The following MGAT4A variants were observed in gnomAD, a reference collection of about 807,000 sequenced individuals.
MGAT4A encodes alpha-1,3-mannosyl-glycoprotein 4-beta-N-acetylglucosaminyltransferase A.
MGAT4A carries 33 observed loss-of-function variants against 74.1 expected under a neutral mutation model. The ratio of observed to expected loss-of-function variants is 0.45; its 90% CI spans 0.34 to 0.60. The LOEUF is 0.60. MGAT4A is among the 20% of genes least tolerant of loss of function. The pLI, the probability that MGAT4A is intolerant of heterozygous loss-of-function variation, is 0.02. For synonymous variants in MGAT4A, 198 were observed against 210.4 expected (o/e 0.94, Z 0.51); for missense variants, 479 against 628.3 (o/e 0.76, Z 2.54).
intron 2 of MGAT4A, among the ~76,000 whole-genome samples, chr2:98,708,562 C>A (rs1432929153): frequency 6.6e-6 from 1 of 152,190 alleles, no homozygotes; most frequent in African/African-American, 2.4e-5. Context: ...AAACAAAGAT[C>A]CACTGCCTCA....
At chr2:98,702,637 C>T (rs764788734) in intron 2 of MGAT4A, among the ~76,000 whole-genome samples, 18 of 152,200 alleles carry the variant, frequency 1.2e-4, no homozygotes, top group African/African-American at 2.7e-4. Flanking sequence ...CTTGCAGTAC[C>T]GTGTGCTCCA....
chr2:98,685,327 A>T (rs965995390), intron 2 of MGAT4A, among the ~76,000 whole-genome samples: 1 of 152,020 alleles, frequency 6.6e-6, no homozygotes, highest in Non-Finnish European at 1.5e-5. Flanking sequence ...AATTTTTTTT[A>T]AATATGAATG....
rs751360240 is a variant in MGAT4A, at chr2:98,623,354, A to G, written c.*2212T>C. Reference sequence around the variant, plus strand: ...GCTGCAATAACTTTCTCCTCCCTAGATTTTCAGAGCATGGTCTTTCTTCAT... The same window carrying G: ...GCTGCAATAACTTTCTCCTCCCTAGGTTTTCAGAGCATGGTCTTTCTTCAT... On this transcript the variant is annotated 3_prime_UTR_variant, in exon 16 of 16. Coordinates refer to ENST00000393487, the MANE Select transcript of MGAT4A (RefSeq NM_012214.3). The G allele has an allele frequency of 2.0e-6, 2 of 985,406 alleles. No homozygotes were observed. Among genetic ancestry groups the G allele is most frequent in the Non-Finnish European group, 2.4e-6 (2 of 829,940 alleles). 61.0% of individuals were successfully genotyped at this position (985,406 alleles called of 1,614,324 possible). A position where few individuals can be genotyped will look rare whatever the true frequency, so the allele number is the denominator to read the frequency against.
Position 98,621,178 on chromosome 2 carries a change from G to A in MGAT4A, c.*4388C>T. On this transcript the variant is annotated 3_prime_UTR_variant, in exon 16 of 16. Coordinates refer to ENST00000393487, the MANE Select transcript of MGAT4A (RefSeq NM_012214.3). ...TGATTTATTATCTCATAGTTCTGTA[G>A]GTCAGAAGTCCAAGCAGGCTTAAGT... The A allele has an allele frequency of 2.4e-6, 1 of 415,394 alleles. No individual in the cohort carries two copies. The highest frequency in any genetic ancestry group is 4.2e-5 in the Admixed American group (1 of 23,768). The allele number at this position is 415,394 out of a possible 1,614,324, so 25.7% of individuals were successfully genotyped here. A position where few individuals can be genotyped will look rare whatever the true frequency, so the allele number is the denominator to read the frequency against.
rs1156272595 is a variant in MGAT4A at position 98,621,714 on chromosome 2, T to A, written c.*3852A>T. ...CACTGTTATTCACTAGAATAATCTC[T>A]CCAAACGTGCTGTTTCCACATAACC... On this transcript the variant is annotated 3_prime_UTR_variant, in exon 16 of 16. Transcript: ENST00000393487. The A allele has an allele frequency of 7.7e-7, 1 of 1,295,590 alleles. No individual in the cohort carries two copies. Among genetic ancestry groups the A allele is most frequent in the Non-Finnish European group, 9.8e-7 (1 of 1,021,028 alleles). The allele number at this position is 1,295,590 out of a possible 1,614,324, so 80.3% of individuals were successfully genotyped here. A position where few individuals can be genotyped will look rare whatever the true frequency, so the allele number is the denominator to read the frequency against.
At chr2:98,637,588 G>A (rs1338579585) in intron 12 of MGAT4A, among the ~76,000 whole-genome samples, 1 of 152,076 alleles carries the variant, frequency 6.6e-6, no homozygotes, top group Non-Finnish European at 1.5e-5. Flanking sequence ...TCAGGGTGTG[G>A]GGAAGGGAGG....
rs747689146 is a variant in MGAT4A, at chr2:98,678,323, A to G, written c.243T>C (p.Asp81=). 7.0e-7 allele frequency: 1 copy of G among 1,418,936 alleles called. No homozygotes were observed. Among genetic ancestry groups the G allele is most frequent in the African/African-American group, 1.4e-5 (1 of 70,142 alleles). 87.9% of individuals were successfully genotyped at this position (1,418,936 alleles called of 1,614,324 possible). A position where few individuals can be genotyped will look rare whatever the true frequency, so the allele number is the denominator to read the frequency against. The part of the protein sequence containing the change: ...RVGAETNGSK[D]ALNKFSDNTL... ...TTGTACCTGAAAACTTATTCAACGC[A>G]TCCTTACTTCCATTTGTTTCTGCTC... The change falls in exon 3 of 16, where the codon GAT becomes GAC. Residue 81 remains aspartate, a synonymous_variant. Transcript: ENST00000393487.
rs1248607792 is a variant in MGAT4A, at chr2:98,698,115, T to G, written c.95-19644A>C. ...GATTCAAGTGCAGAAGAACCAGAAG[T>G]AGTGATAAGCTGGCTGGGTGTGGTG... is the stretch of plus-strand genomic sequence containing the variant. On this transcript the variant is annotated intron_variant, in intron 2 of 15. Coordinates refer to ENST00000393487, the MANE Select transcript of MGAT4A (RefSeq NM_012214.3). Among the ~76,000 whole-genome samples, 4 of 152,030 alleles carry G rather than the reference T, an allele frequency of 2.6e-5. 1 individual carries two copies. In the South Asian group the frequency reaches 6.2e-4, roughly 24 times the overall value.
At chr2:98,641,854 G>A (rs1379354479) in intron 10 of MGAT4A, among the ~76,000 whole-genome samples, 5 of 151,356 alleles carry the variant, frequency 3.3e-5, no homozygotes, top group Non-Finnish European at 7.4e-5. Context: ...TTTGCCAGGC[G>A]TGGTGGCCCG....
chr2:98,647,725 T>A (rs1470710567), intron 8 of MGAT4A, among the ~76,000 whole-genome samples: 3 of 152,120 alleles, frequency 2.0e-5, no homozygotes, highest in Non-Finnish European at 4.4e-5. Context: ...CAACTCAGAG[T>A]TTTTTGCAAT....
At chr2:98,699,132 T>TTCC (rs1201203669) in intron 2 of MGAT4A, among the ~76,000 whole-genome samples, 3 of 152,184 alleles carry the variant, frequency 2.0e-5, no homozygotes, top group African/African-American at 7.2e-5. Flanking sequence ...CAGGACACAC[T>TTCC]TCCTTCCCAC....
intron 2 of MGAT4A, among the ~76,000 whole-genome samples, chr2:98,698,115 T>C (rs1248607792): frequency 6.6e-6 from 1 of 152,030 alleles, no homozygotes; most frequent in East Asian, 1.9e-4. Flanking sequence ...GAACCAGAAG[T>C]AGTGATAAGC....
chr2:98,725,148 T>G (rs909684442), intron 2 of MGAT4A, among the ~76,000 whole-genome samples: 3 of 152,204 alleles, frequency 2.0e-5, no homozygotes, highest in African/African-American at 4.8e-5. Context: ...AATTCTAAAA[T>G]GTACATATTT....
Position 98,631,385 on chromosome 2 carries a change from C to T in MGAT4A, c.1468+3837G>A, listed in dbSNP as rs1376506330. On this transcript the variant is annotated intron_variant, in intron 14 of 15. Coordinates refer to ENST00000393487, the MANE Select transcript of MGAT4A (RefSeq NM_012214.3). ...TGAGCCCTGGCTAGAGCTCCAACCT[C>T]GGGCCTGTGCCCACCGACCTAGGTG... Among the ~76,000 whole-genome samples the T allele has an allele frequency of 5.3e-5, 8 of 152,208 alleles. No homozygotes were observed. In the East Asian group the frequency reaches 1.5e-3, roughly 29 times the overall value.
chr2:98,652,242 C>G (rs1415052299), intron 8 of MGAT4A, among the ~76,000 whole-genome samples: 1 of 152,024 alleles, frequency 6.6e-6, no homozygotes, highest in East Asian at 1.9e-4. Context: ...CTGATCCCAA[C>G]AACAGCAGAA....
chr2:98,684,192 G>C (rs1020248328), intron 2 of MGAT4A, among the ~76,000 whole-genome samples: 3 of 152,122 alleles, frequency 2.0e-5, no homozygotes, highest in Admixed American at 6.5e-5. Context: ...TAACATAACA[G>C]ATGAAAAAAT....
intron 14 of MGAT4A, among the ~76,000 whole-genome samples, chr2:98,630,662 A>AT (rs1224318843): frequency 6.6e-6 from 1 of 152,122 alleles, no homozygotes; most frequent in Non-Finnish European, 1.5e-5. Flanking sequence ...GTAAAACTGG[A>AT]TTATAGGGCG....
chr2:98,725,096 A>C (rs1702742094), intron 2 of MGAT4A, among the ~76,000 whole-genome samples: 1 of 152,108 alleles, frequency 6.6e-6, no homozygotes, highest in Non-Finnish European at 1.5e-5. Context: ...AAAACAAAGC[A>C]CCTCCTGATT....
rs59955000 is a variant in MGAT4A, at chr2:98,671,943, CAAAAAAAAAAAAA to C, written c.403+3079_403+3091del. Among the ~76,000 whole-genome samples the C allele has an allele frequency of 2.4e-4, 7 of 28,636 alleles. 1 individual carries two copies. The highest frequency in any genetic ancestry group is 1.5e-3 in the East Asian group (1 of 650). 18.8% of individuals were successfully genotyped at this position (28,636 alleles called of 152,430 possible). A position where few individuals can be genotyped will look rare whatever the true frequency, so the allele number is the denominator to read the frequency against. On this transcript the variant is annotated intron_variant, in intron 4 of 15. Transcript: ENST00000393487. ...AGGCCACAAAGTAATGTGGAAAAGG[CAAAAAAAAAAAAA>C]AAAAAAAAAAAAAAGGATCCTCCCC... is the stretch of plus-strand genomic sequence containing the variant.
Sources: allele counts gnomAD v4.1 joint callset (sites outside exome capture counted in the v4.1 genomes callset), GRCh38; gene constraint gnomAD v4.1.1; transcripts MANE v1.5; gene names NCBI Gene and HGNC (gene_info 2026-07-23, HGNC 2026-07-21).